Variants in USP30 observed in about 807,000 individuals in gnomAD.
USP30 encodes ubiquitin carboxyl-terminal hydrolase 30.
In USP30, 41 loss-of-function variants were observed where a neutral mutation model predicts 68.2. The ratio of observed to expected loss-of-function variants is 0.60; its 90% CI spans 0.47 to 0.78. The LOEUF is 0.78. USP30 is among the 30% of genes least tolerant of loss of function. The pLI, the probability that USP30 is intolerant of heterozygous loss-of-function variation, is 0.00. For missense variants in USP30, 522 were observed against 649.4 expected (o/e 0.80, Z 2.13); for synonymous variants, 229 against 253.7 (o/e 0.90, Z 0.93).
upstream of USP30, among the ~76,000 whole-genome samples, chr12:109,050,054 G>C (rs2040645227): frequency 6.6e-6 from 1 of 152,218 alleles, no homozygotes; most frequent in African/African-American, 2.4e-5. Context: ...CCAGAACTTT[G>C]GGAGGCCAAG....
chr12:109,030,617 G>A (rs536017972), intron 3 of USP30, among the ~76,000 whole-genome samples: 2 of 150,992 alleles, frequency 1.3e-5, no homozygotes, highest in Non-Finnish European at 2.9e-5. Context: ...TAGGTTGCTT[G>A]TTTGTTTGTT....
rs550117748 is a variant in USP30, at chr12:109,085,672, C to T, written c.1295C>T (p.Ser432Phe). ...PLPVVPDYSS[S>F]TYLFRLMAVV... is the part of the protein sequence containing the mutation. The stretch of plus-strand genomic sequence containing the variant: ...CATGTGTTCGTATCATTCAGCTCCT[C>T]CACATACCTCTTCCGGCTGATGGCA... The change falls in exon 13 of 13, where the codon TCC becomes TTC. Residue 432 changes from serine (S) to phenylalanine (F), a missense_variant. Coordinates refer to ENST00000257548, the MANE Select transcript of USP30 (RefSeq NM_032663.5). 1 of 1,614,138 alleles carries T rather than the reference C, an allele frequency of 6.2e-7. No individual in the cohort carries two copies. The highest frequency in any genetic ancestry group is 2.2e-5 in the East Asian group (1 of 44,884).
chr12:109,032,724 G>A (rs2040491177), intron 3 of USP30, among the ~76,000 whole-genome samples: 1 of 152,222 alleles, frequency 6.6e-6, no homozygotes, highest in East Asian at 1.9e-4. Flanking sequence ...TGTCCTAAAA[G>A]TAGATGTGAT....
At chr12:109,031,807 G>T (rs2040483528) in intron 3 of USP30, among the ~76,000 whole-genome samples, 1 of 152,132 alleles carries the variant, frequency 6.6e-6, no homozygotes, top group Non-Finnish European at 1.5e-5. Context: ...GTCACTCATA[G>T]AAACAGAAGG....
chr12:109,048,904 T>C (rs995997600), upstream of USP30, among the ~76,000 whole-genome samples: 1 of 152,222 alleles, frequency 6.6e-6, no homozygotes, highest in African/African-American at 2.4e-5. Flanking sequence ...GTCTGTCTTA[T>C]GATCACTGTT....
At chr12:109,024,965 T>A (rs2040434237) in exon 2 of USP30, 1 of 152,216 alleles carries the variant, frequency 6.6e-6, no homozygotes, top group African/African-American at 2.4e-5. Flanking sequence ...CAAGAGGAGA[T>A]TGCTGTGTGA....
chr12:109,036,512 G>C (rs1207592367), intron 3 of USP30, among the ~76,000 whole-genome samples: 1 of 151,924 alleles, frequency 6.6e-6, no homozygotes, highest in Non-Finnish European at 1.5e-5. Context: ...TGGCCTGGCA[G>C]GTCTCAAACT....
chr12:109,054,023 G>GAAA, intron 1 of USP30: 1 of 455,880 alleles, frequency 2.2e-6, no homozygotes, highest in African/African-American at 2.0e-5. Context: ...CTGCATCTGT[G>GAAA]GGGTTGTTTT....
upstream of USP30, among the ~76,000 whole-genome samples, chr12:109,049,100 G>T (rs2040634552): frequency 6.6e-6 from 1 of 152,186 alleles, no homozygotes; most frequent in African/African-American, 2.4e-5. Flanking sequence ...TTTACATTCT[G>T]CTCACTGGAG....
chr12:109,062,235 T>G (rs2041092064), intron 3 of USP30, among the ~76,000 whole-genome samples: 1 of 151,984 alleles, frequency 6.6e-6, no homozygotes, highest in Non-Finnish European at 1.5e-5. Context: ...ACACCTGGCC[T>G]GTATATTGTT....
intron 3 of USP30, among the ~76,000 whole-genome samples, chr12:109,058,942 T>C (rs772475501): frequency 5.3e-5 from 8 of 152,202 alleles, no homozygotes; most frequent in Non-Finnish European, 1.2e-4. Flanking sequence ...TTAGTGCCAC[T>C]TTTCTGGAAA....
chr12:109,085,392 CTA>C (rs2041917227), intron 12 of USP30, among the ~76,000 whole-genome samples: 1 of 152,120 alleles, frequency 6.6e-6, no homozygotes, highest in Admixed American at 6.5e-5. Flanking sequence ...GTCATGCACT[CTA>C]TAAAGTTGTA....
upstream of USP30, among the ~76,000 whole-genome samples, chr12:109,051,327 G>T (rs1021380088): frequency 7.4e-6 from 1 of 134,424 alleles, no homozygotes; most frequent in Non-Finnish European, 1.5e-5. Context: ...TGTGATCTCA[G>T]CTCACTGCAG....
chr12:109,082,019 G>A lies in USP30; in HGVS notation c.867G>A (p.Lys289=). The A allele has an allele frequency of 6.2e-7, 1 of 1,614,176 alleles. No homozygotes were observed. The highest frequency in any genetic ancestry group is 8.5e-7 in the Non-Finnish European group (1 of 1,180,032). The change falls in exon 9 of 13, where the codon AAG becomes AAA. Residue 289 remains lysine (K), a splice_region_variant and synonymous_variant. Transcript: ENST00000257548. ...ATGTTGTGTGTGACAACTGTACAAAGGTATGCATTGAACCCCAAATGTCAT... is the reference window on the plus strand; with the variant it reads ...ATGTTGTGTGTGACAACTGTACAAAAGTATGCATTGAACCCCAAATGTCAT... ...VRDVVCDNCT[K]IEAKGTLNGE...
chr12:109,082,818 C>T, intron 10 of USP30, 25 bp from the exon 11 acceptor site: 1 of 1,610,422 alleles, frequency 6.2e-7, no homozygotes, highest in Non-Finnish European at 8.5e-7. Context: ...CAACTCGGTT[C>T]TCCCGATTTC....
chr12:109,076,873 A>G lies in USP30; in HGVS notation c.720+3341A>G, dbSNP rs545954364. Among the ~76,000 whole-genome samples the G allele has an allele frequency of 7.5e-3, 1,140 of 151,656 alleles. 13 individuals carry two copies. Among genetic ancestry groups the G allele is most frequent in the African/African-American group, 0.026 (1,075 of 41,330 alleles). ...CAGCCTCCCGAGTAGCTGGGACTAC[A>G]GGCGCCCGCCACCACGCCCGGCTAA... is the stretch of plus-strand genomic sequence containing the variant. On this transcript the variant is annotated intron_variant, in intron 7 of 12. Coordinates refer to ENST00000257548, the MANE Select transcript of USP30 (RefSeq NM_032663.5).
At chr12:109,042,487 A>G (rs375138710) in intron 3 of USP30, among the ~76,000 whole-genome samples, 2 of 152,134 alleles carry the variant, frequency 1.3e-5, no homozygotes, top group East Asian at 3.8e-4. Context: ...ATTTTCTCTT[A>G]ACAAAACATC....
chr12:109,086,036 A>G lies in USP30; in HGVS notation c.*105A>G. Reference sequence around the variant, plus strand: ...GCAAGCGGCCCCACTAGAGCCTTCCAGCCTTCTGGTGTGTTCTAAGAGCAG... The same window carrying G: ...GCAAGCGGCCCCACTAGAGCCTTCCGGCCTTCTGGTGTGTTCTAAGAGCAG... On this transcript the variant is annotated 3_prime_UTR_variant, in exon 13 of 13. Coordinates refer to ENST00000257548, the MANE Select transcript of USP30 (RefSeq NM_032663.5). 3 of 1,462,082 alleles carry G rather than the reference A, an allele frequency of 2.1e-6. No homozygotes were observed. The highest frequency in any genetic ancestry group is 2.2e-5 in the Admixed American group (1 of 45,368). The allele number at this position is 1,462,082 out of a possible 1,614,324, so 90.6% of individuals were successfully genotyped here.
At chr12:109,061,973 T>C (rs1213431692) in intron 3 of USP30, among the ~76,000 whole-genome samples, 2 of 152,160 alleles carry the variant, frequency 1.3e-5, no homozygotes, top group African/African-American at 4.8e-5. Context: ...AGACAGGGTC[T>C]CACCCAAGCT....
Sources: gnomAD v4.1 joint callset for allele counts (sites outside exome capture counted in the v4.1 genomes callset) on GRCh38, gnomAD v4.1.1 for gene constraint, MANE v1.5 for transcripts, NCBI Gene and HGNC (gene_info 2026-07-23, HGNC 2026-07-21) for gene names.